The following CDKAL1 variants were observed in gnomAD, a reference collection of about 807,000 sequenced individuals.
CDKAL1 encodes threonylcarbamoyladenosine tRNA methylthiotransferase.
A neutral mutation model predicts 68.2 loss-of-function variants in CDKAL1; 32 were observed. The ratio of observed to expected loss-of-function variants is 0.47; its 90% CI spans 0.35 to 0.63. The LOEUF (loss-of-function observed/expected upper bound fraction) is 0.63. Among genes scored for constraint, CDKAL1 ranks in the 30% least tolerant of loss-of-function variants. CDKAL1 has a pLI of 0.00. For missense variants in CDKAL1, 606 were observed against 696.7 expected (o/e 0.87, Z 1.47); for synonymous variants, 234 against 244.3 (o/e 0.96, Z 0.39).
At chr6:20,960,701 C>T (rs6456388) in intron 10 of CDKAL1, among the ~76,000 whole-genome samples, 136,016 of 152,288 alleles carry the variant, frequency 0.89, 60,880 homozygotes, top group East Asian at 1. Flanking sequence ...GCCTCATGTA[C>T]TGAAGTACCT....
At chr6:20,756,503 G>T (rs1263711063) in intron 6 of CDKAL1, 1 of 152,092 alleles carries the variant, frequency 6.6e-6, no homozygotes, top group Non-Finnish European at 1.5e-5. Context: ...TGTTCTGCTG[G>T]CTTCTTCAAT....
intron 4 of CDKAL1, among the ~76,000 whole-genome samples, chr6:20,627,506 A>G (rs150107694): frequency 1.6e-3 from 238 of 152,300 alleles, no homozygotes; most frequent in African/African-American, 5.3e-3. Flanking sequence ...TAGCTGTATA[A>G]TAAGTCAGGT....
At chr6:20,544,962 GTT>G (rs1491538658) in intron 2 of CDKAL1, among the ~76,000 whole-genome samples, 5 of 107,178 alleles carry the variant, frequency 4.7e-5, no homozygotes, top group African/African-American at 2.7e-4. Context: ...TGGGATTACA[GTT>G]TTGTGTGTGT....
chr6:21,081,628 G>A (rs964667939), intron 12 of CDKAL1, among the ~76,000 whole-genome samples: 3 of 147,958 alleles, frequency 2.0e-5, no homozygotes, highest in African/African-American at 7.5e-5. Flanking sequence ...CTAGAGTGCA[G>A]TGGCGCGATC....
rs1025025251 is a variant in CDKAL1, at chr6:20,892,459, G to A, written c.742+46281G>A. 3.9e-5 allele frequency among the ~76,000 whole-genome samples: 6 copies of A among 152,152 alleles called. No individual in the cohort carries two copies. The East Asian group carries it at 9.6e-4, about 24-fold the overall frequency. On this transcript the variant is annotated intron_variant, in intron 9 of 15. Transcript: ENST00000274695. ...ATAATGAAATATTTATAGGTGAAAT[G>A]ACGTATCTGAGATTTTGCCTCAAAA...
chr6:21,065,556 A>G (rs1001310), intron 12 of CDKAL1, among the ~76,000 whole-genome samples: 96,860 of 151,682 alleles, frequency 0.64, 31,220 homozygotes, highest in Admixed American at 0.72. Flanking sequence ...ATATTTGTGT[A>G]TAAATGAGGC....
At chr6:20,747,020 C>T (rs1218631541) in intron 6 of CDKAL1, among the ~76,000 whole-genome samples, 1 of 152,114 alleles carries the variant, frequency 6.6e-6, no homozygotes, top group African/African-American at 2.4e-5. Context: ...CCGGTAATCC[C>T]CAGGCTACTC....
chr6:21,100,045 G>A (rs1312199196), intron 12 of CDKAL1, among the ~76,000 whole-genome samples: 1 of 150,650 alleles, frequency 6.6e-6, no homozygotes, highest in Non-Finnish European at 1.5e-5. Flanking sequence ...TTTTCTATTT[G>A]CATTTTCTTC....
At chr6:21,198,592 A>C (rs865876526) in intron 14 of CDKAL1, among the ~76,000 whole-genome samples, 1 of 152,034 alleles carries the variant, frequency 6.6e-6, no homozygotes, top group Non-Finnish European at 1.5e-5. Context: ...TGTTTTTTTA[A>C]CTTCTACCTT....
chr6:21,031,472 A>G (rs866542321), intron 11 of CDKAL1, among the ~76,000 whole-genome samples: 13 of 151,920 alleles, frequency 8.6e-5, no homozygotes, highest in Middle Eastern at 3.4e-3. Flanking sequence ...AGCAACACCT[A>G]CATTCGGGTT....
At chr6:21,222,942 C>T (rs1394822261) in intron 15 of CDKAL1, among the ~76,000 whole-genome samples, 1 of 152,014 alleles carries the variant, frequency 6.6e-6, no homozygotes, top group African/African-American at 2.4e-5. Flanking sequence ...AGTGTGTGTG[C>T]ATGTGTGTGT....
intron 4 of CDKAL1, among the ~76,000 whole-genome samples, chr6:20,639,105 A>G (rs184969753): frequency 1.3e-5 from 2 of 152,182 alleles, no homozygotes; most frequent in African/African-American, 4.8e-5. Context: ...CTATGGGGTA[A>G]TAGCCATAAT....
At chr6:20,741,287 C>T (rs559647385) in intron 6 of CDKAL1, among the ~76,000 whole-genome samples, 1 of 151,886 alleles carries the variant, frequency 6.6e-6, no homozygotes, top group South Asian at 2.1e-4. Flanking sequence ...CTATTTAATC[C>T]CACACCTTTG....
chr6:20,564,403 ATATTT>A (rs1384849653), intron 4 of CDKAL1, among the ~76,000 whole-genome samples: 7 of 152,192 alleles, frequency 4.6e-5, no homozygotes, highest in Non-Finnish European at 1.0e-4. Context: ...CCTATGTTTA[ATATTT>A]TAATTTGCAT....
intron 4 of CDKAL1, among the ~76,000 whole-genome samples, chr6:20,641,425 A>T (rs1468753909): frequency 6.6e-6 from 1 of 151,580 alleles, no homozygotes; most frequent in Non-Finnish European, 1.5e-5. Flanking sequence ...ATGCAAGTTT[A>T]AAAAAAAAGA....
rs1554162648 is a variant in CDKAL1 at position 20,609,297 on chromosome 6, T to TCTCCTTCTTCTCCTTCTC, written c.287-39991_287-39990insTCTTCTCCTTCTCCTCCT. 1.1e-4 allele frequency among the ~76,000 whole-genome samples: 15 copies of TCTCCTTCTTCTCCTTCTC among 136,186 alleles called. 1 individual carries two copies. In the South Asian group the frequency reaches 3.1e-3, roughly 28 times the overall value. 89.3% of individuals were successfully genotyped at this position (136,186 alleles called of 152,430 possible). ...TTCTCCTCCTTCTCCTTCTTCTCCT[T>TCTCCTTCTTCTCCTTCTC]CTCCTCCTCCTCCTCCCCCCTCCTC... is the stretch of plus-strand genomic sequence containing the variant. On this transcript the variant is annotated intron_variant, in intron 4 of 15. Coordinates refer to ENST00000274695, the MANE Select transcript of CDKAL1 (RefSeq NM_017774.3).
At chr6:20,957,911 C>T (rs1212183115) in intron 10 of CDKAL1, among the ~76,000 whole-genome samples, 7 of 140,378 alleles carry the variant, frequency 5.0e-5, no homozygotes, top group Non-Finnish European at 7.5e-5. Context: ...GCAGAGGTTA[C>T]AGTGAGCCAA....
chr6:20,902,981 CTGAA>C (rs1292014554), intron 9 of CDKAL1, among the ~76,000 whole-genome samples: 1 of 152,112 alleles, frequency 6.6e-6, no homozygotes, highest in Non-Finnish European at 1.5e-5. Flanking sequence ...ATTCTATAGA[CTGAA>C]TGACATTCAT....
At chr6:20,553,274 C>T (rs1171608397) in intron 4 of CDKAL1, among the ~76,000 whole-genome samples, 1 of 152,072 alleles carries the variant, frequency 6.6e-6, no homozygotes, top group East Asian at 1.9e-4. Context: ...CTTAGGAGGC[C>T]GAGGTGGGCA....
Sources: gnomAD v4.1 joint callset for allele counts (sites outside exome capture counted in the v4.1 genomes callset) on GRCh38, gnomAD v4.1.1 for gene constraint, MANE v1.5 for transcripts, NCBI Gene and HGNC (gene_info 2026-07-23, HGNC 2026-07-21) for gene names.